SLC35F4: variants seen among roughly 807,000 people sequenced by gnomAD.
SLC35F4 encodes solute carrier family 35 member F4, also known as chromosome 14 open reading frame 36.
A neutral mutation model predicts 44.2 loss-of-function variants in SLC35F4; 24 were observed. The ratio of observed to expected loss-of-function variants is 0.54; its 90% CI spans 0.39 to 0.76. SLC35F4 has a LOEUF of 0.76. SLC35F4 is among the 30% of genes least tolerant of loss of function. The probability of loss-of-function intolerance (pLI) is 0.00; values close to 1 mark genes in which losing one functional copy is unlikely to be tolerated. For synonymous variants in SLC35F4, 238 were observed against 223.6 expected, an observed-to-expected ratio of 1.06 and a Z score of -0.57; for missense variants, 562 against 586.1, an observed-to-expected ratio of 0.96 and a Z score of 0.42.
intron 2 of SLC35F4, among the ~76,000 whole-genome samples, chr14:57,590,415 A>AT: frequency 6.7e-6 from 1 of 150,318 alleles, no homozygotes; most frequent in Non-Finnish European, 1.5e-5. Flanking sequence ...AACAGAGATG[A>AT]TTATTAAAAG....
At chr14:57,797,997 A>G (rs949606876) in intron 1 of SLC35F4, among the ~76,000 whole-genome samples, 2 of 151,908 alleles carry the variant, frequency 1.3e-5, no homozygotes, top group African/African-American at 4.8e-5. Context: ...AATATACAAT[A>G]GGTCGTCACT....
intron 4 of SLC35F4, among the ~76,000 whole-genome samples, chr14:57,578,159 T>C (rs920114148): frequency 4.6e-5 from 7 of 151,718 alleles, no homozygotes; most frequent in Non-Finnish European, 1.0e-4. Flanking sequence ...AAAAAAAAAT[T>C]AGAAGTAGGG....
chr14:57,849,014 C>T lies in SLC35F4; in HGVS notation c.103+16709G>A, dbSNP rs10143411. Reference sequence around the variant, plus strand: ...ATGTCTTTTGCCAGCATCTGTGAAACTGTAGCATGCTAACTTGATAATTTG... The same window carrying T: ...ATGTCTTTTGCCAGCATCTGTGAAATTGTAGCATGCTAACTTGATAATTTG... On this transcript the variant is annotated intron_variant, in intron 1 of 7. Coordinates refer to ENST00000556826, the MANE Select transcript of SLC35F4 (RefSeq NM_001306087.2). Among the ~76,000 whole-genome samples the T allele has an allele frequency of 4.5e-3, 678 of 152,288 alleles. 5 individuals are homozygous for T. Among genetic ancestry groups the T allele is most frequent in the African/African-American group, 0.016 (650 of 41,566 alleles).
chr14:57,773,447 C>T (rs2077415694), intron 1 of SLC35F4, among the ~76,000 whole-genome samples: 1 of 152,136 alleles, frequency 6.6e-6, no homozygotes, highest in East Asian at 1.9e-4. Context: ...TTAAGTGTTA[C>T]ATTTAGTACG....
chr14:57,977,693 C>A (rs1171352791), intron 1 of SLC35F4, among the ~76,000 whole-genome samples: 1 of 152,174 alleles, frequency 6.6e-6, no homozygotes, highest in Non-Finnish European at 1.5e-5. Flanking sequence ...GTTTTACTGA[C>A]ATTTTTCCTC....
At chr14:57,732,251 T>C (rs1233075561) in intron 1 of SLC35F4, among the ~76,000 whole-genome samples, 6 of 152,222 alleles carry the variant, frequency 3.9e-5, no homozygotes, top group African/African-American at 1.4e-4. Flanking sequence ...TATAACTTAG[T>C]CTGTACTATG....
chr14:57,879,078 A>T (rs1213343185), intron 1 of SLC35F4, among the ~76,000 whole-genome samples: 1 of 152,196 alleles, frequency 6.6e-6, no homozygotes, highest in African/African-American at 2.4e-5. Flanking sequence ...AAAGAGGAAC[A>T]TATGGGTAAT....
intron 1 of SLC35F4, among the ~76,000 whole-genome samples, chr14:57,873,009 C>T (rs1051174522): frequency 6.6e-6 from 1 of 152,176 alleles, no homozygotes; most frequent in African/African-American, 2.4e-5. Flanking sequence ...GTGGAGAAAT[C>T]CTGGGCCATG....
chr14:57,932,635 G>C (rs1284343100), intron 1 of SLC35F4, among the ~76,000 whole-genome samples: 1 of 152,100 alleles, frequency 6.6e-6, no homozygotes, highest in East Asian at 1.9e-4. Flanking sequence ...GATCACTTGA[G>C]ATCAGGAGTT....
chr14:57,593,662 T>C (rs941053834), intron 2 of SLC35F4, among the ~76,000 whole-genome samples: 9 of 152,214 alleles, frequency 5.9e-5, no homozygotes, highest in African/African-American at 2.2e-4. Flanking sequence ...ATGAGAAAAC[T>C]ACCTACCTTG....
chr14:57,698,596 C>T (rs2075447507), intron 1 of SLC35F4, among the ~76,000 whole-genome samples: 1 of 151,844 alleles, frequency 6.6e-6, no homozygotes, highest in Non-Finnish European at 1.5e-5. Context: ...CAAAGAGCTA[C>T]CCTGAGAAAG....
chr14:57,928,414 T>C (rs1228107521), intron 1 of SLC35F4, among the ~76,000 whole-genome samples: 4 of 152,190 alleles, frequency 2.6e-5, no homozygotes, highest in East Asian at 1.9e-4. Flanking sequence ...TCACCCTGAC[T>C]GCACAGTCAG....
intron 1 of SLC35F4, among the ~76,000 whole-genome samples, chr14:57,934,871 G>T (rs1227205199): frequency 6.6e-6 from 1 of 152,140 alleles, no homozygotes; most frequent in Non-Finnish European, 1.5e-5. Context: ...AAGAATGAGG[G>T]AGGATCAGCA....
At chr14:57,617,160 T>C (rs1359595379) in intron 1 of SLC35F4, among the ~76,000 whole-genome samples, 1 of 95,014 alleles carries the variant, frequency 1.1e-5, no homozygotes, top group Non-Finnish European at 2.2e-5. Flanking sequence ...AGACAGAGTC[T>C]CGCTCTGTCG....
intron 1 of SLC35F4, among the ~76,000 whole-genome samples, chr14:57,814,837 T>C (rs1168643693): frequency 3.3e-5 from 5 of 152,182 alleles, no homozygotes; most frequent in African/African-American, 9.7e-5. Context: ...TTTTCTTTCA[T>C]GGAACCCTTA....
At chr14:57,655,845 C>A (rs1477332256) in intron 1 of SLC35F4, among the ~76,000 whole-genome samples, 3 of 152,110 alleles carry the variant, frequency 2.0e-5, no homozygotes, top group Non-Finnish European at 4.4e-5. Flanking sequence ...TAATAAAGTG[C>A]CAAAATTTAC....
chr14:57,568,329 G>A (rs780468815), intron 6 of SLC35F4, among the ~76,000 whole-genome samples: 1 of 152,230 alleles, frequency 6.6e-6, no homozygotes, highest in South Asian at 2.1e-4. Context: ...TGTTGGTGGA[G>A]GGCTACTTTG....
intron 1 of SLC35F4, among the ~76,000 whole-genome samples, chr14:57,757,130 A>T (rs73289955): frequency 0.053 from 8,128 of 152,164 alleles, 262 homozygotes; most frequent in African/African-American, 0.095. Flanking sequence ...AATTGATCCC[A>T]TTATCATTAT....
chr14:57,606,810 C>G (rs1344526320), intron 1 of SLC35F4, among the ~76,000 whole-genome samples: 1 of 152,144 alleles, frequency 6.6e-6, no homozygotes, highest in Non-Finnish European at 1.5e-5. Context: ...GTAGATTTGA[C>G]AACGCATTAA....
Sources: allele counts gnomAD v4.1 joint callset (sites outside exome capture counted in the v4.1 genomes callset), GRCh38; gene constraint gnomAD v4.1.1; transcripts MANE v1.5; gene names NCBI Gene and HGNC (gene_info 2026-07-23, HGNC 2026-07-21).